The following ST8SIA6 variants were observed in gnomAD, a reference collection of about 807,000 sequenced individuals.
The protein encoded by ST8SIA6 is ST8 alpha-N-acetyl-neuraminide alpha-2,8-sialyltransferase 6.
ST8SIA6 carries 39 observed loss-of-function variants against 33.6 expected under a neutral mutation model. The ratio of observed to expected loss-of-function variants is 1.16; its 90% confidence interval spans 0.90 to 1.52. The LOEUF is 1.52. ST8SIA6 is among the 40% of genes most tolerant of loss of function. The pLI is 0.00. For synonymous variants in ST8SIA6, 172 were observed against 167.2 expected, an observed-to-expected ratio of 1.03 and a Z score of -0.22; for missense variants, 441 against 443.8, an observed-to-expected ratio of 0.99 and a Z score of 0.06.
At chr10:17,368,464 A>G (rs1849631776) in intron 3 of ST8SIA6, among the ~76,000 whole-genome samples, 1 of 150,766 alleles carries the variant, frequency 6.6e-6, no homozygotes, top group South Asian at 2.1e-4. Context: ...ATATTGTAGT[A>G]ACGGTTGATA....
intron 2 of ST8SIA6, among the ~76,000 whole-genome samples, chr10:17,444,970 A>T (rs1432950563): frequency 6.6e-6 from 1 of 152,250 alleles, no homozygotes; most frequent in African/African-American, 2.4e-5. Flanking sequence ...CAGAACACAT[A>T]TTCGTATCAT....
intron 2 of ST8SIA6, among the ~76,000 whole-genome samples, chr10:17,443,483 A>G (rs1340727806): frequency 6.6e-6 from 1 of 152,226 alleles, no homozygotes; most frequent in African/African-American, 2.4e-5. Context: ...TGTATTTTAC[A>G]ATAACAACAA....
intron 6 of ST8SIA6, among the ~76,000 whole-genome samples, chr10:17,325,672 T>G (rs1319691395): frequency 1.3e-5 from 2 of 152,072 alleles, no homozygotes; most frequent in Non-Finnish European, 2.9e-5. Flanking sequence ...AGTACAGGCT[T>G]AAAAAATTAA....
chr10:17,358,480 A>G (rs1849267501), intron 4 of ST8SIA6, among the ~76,000 whole-genome samples: 1 of 152,168 alleles, frequency 6.6e-6, no homozygotes, highest in African/African-American at 2.4e-5. Context: ...ATAATGAGTA[A>G]AGATAAAGAC....
chr10:17,383,847 CAG>C (rs939320670), intron 3 of ST8SIA6, among the ~76,000 whole-genome samples: 3 of 152,166 alleles, frequency 2.0e-5, no homozygotes, highest in African/African-American at 7.2e-5. Context: ...TTTTGTTTTT[CAG>C]ACTCTTAAAA....
At chr10:17,365,260 C>G (rs1849521587) in intron 3 of ST8SIA6, among the ~76,000 whole-genome samples, 1 of 152,180 alleles carries the variant, frequency 6.6e-6, no homozygotes, top group Non-Finnish European at 1.5e-5. Context: ...CTAGAAACGT[C>G]TCTTTGAAGA....
intron 2 of ST8SIA6, among the ~76,000 whole-genome samples, chr10:17,427,430 CGATGGAGACCT>C (rs1554801538): frequency 6.6e-6 from 1 of 152,142 alleles, no homozygotes; most frequent in Non-Finnish European, 1.5e-5. Context: ...AGATGTAGAG[CGATGGAGACCT>C]GATGGAGACC....
intron 2 of ST8SIA6, among the ~76,000 whole-genome samples, chr10:17,440,100 C>T (rs1852420103): frequency 6.6e-6 from 1 of 152,054 alleles, no homozygotes; most frequent in South Asian, 2.1e-4. Context: ...CTACGGCTTT[C>T]ATAATCATAA....
intron 2 of ST8SIA6, among the ~76,000 whole-genome samples, chr10:17,449,651 C>T (rs1324190814): frequency 6.6e-6 from 1 of 152,194 alleles, no homozygotes; most frequent in Non-Finnish European, 1.5e-5. Flanking sequence ...AGACACAGCT[C>T]CTTGAATTTC....
chr10:17,373,135 C>A (rs1849788531), intron 3 of ST8SIA6, among the ~76,000 whole-genome samples: 1 of 152,194 alleles, frequency 6.6e-6, no homozygotes, highest in Admixed American at 6.5e-5. Flanking sequence ...ATTTATAACC[C>A]AGATAACCTC....
intron 2 of ST8SIA6, among the ~76,000 whole-genome samples, chr10:17,420,638 A>G (rs1354788720): frequency 1.3e-5 from 2 of 152,088 alleles, no homozygotes; most frequent in Non-Finnish European, 2.9e-5. Flanking sequence ...CAGGCCCTCT[A>G]CTTTCATCCT....
intron 2 of ST8SIA6, among the ~76,000 whole-genome samples, chr10:17,392,692 T>G (rs2131665671): frequency 6.6e-6 from 1 of 152,298 alleles, no homozygotes; most frequent in East Asian, 1.9e-4. Flanking sequence ...TCTGCAGGAC[T>G]CTAGGAGAGA....
At chr10:17,336,709 T>C (rs538167423) in intron 4 of ST8SIA6, among the ~76,000 whole-genome samples, 21 of 151,100 alleles carry the variant, frequency 1.4e-4, no homozygotes, top group Non-Finnish European at 3.1e-4. Context: ...TTCTCCTGCC[T>C]CAGCCTCCCG....
intron 2 of ST8SIA6, among the ~76,000 whole-genome samples, chr10:17,446,628 G>T (rs1205113154): frequency 6.6e-6 from 1 of 152,138 alleles, no homozygotes; most frequent in African/African-American, 2.4e-5. Context: ...AAAAGACAAA[G>T]CCAAAATCTG....
chr10:17,337,626 G>A (rs931193233), intron 4 of ST8SIA6, among the ~76,000 whole-genome samples: 8 of 152,176 alleles, frequency 5.3e-5, no homozygotes, highest in African/African-American at 1.7e-4. Context: ...GAGAGTAAGA[G>A]CCAGTGTTGG....
intron 2 of ST8SIA6, among the ~76,000 whole-genome samples, chr10:17,424,838 A>G (rs1412781096): frequency 6.6e-6 from 1 of 151,548 alleles, no homozygotes; most frequent in Non-Finnish European, 1.5e-5. Context: ...GGTTCAAGCG[A>G]TTCTCATGCC....
intron 4 of ST8SIA6, among the ~76,000 whole-genome samples, chr10:17,333,825 A>G (rs191019607): frequency 2.6e-4 from 37 of 144,676 alleles, no homozygotes; most frequent in African/African-American, 9.3e-4. Flanking sequence ...GGGTTCAAGC[A>G]ATTCTCCTGC....
rs1847913871 is a variant in ST8SIA6, at chr10:17,320,703, G to T, written c.*175C>A. 2 of 617,138 alleles carry T rather than the reference G, an allele frequency of 3.2e-6. No homozygotes were observed. The highest frequency in any genetic ancestry group is 5.7e-6 in the Non-Finnish European group (2 of 351,856). 38.2% of individuals were successfully genotyped at this position (617,138 alleles called of 1,614,324 possible). The stretch of plus-strand genomic sequence containing the variant: ...CCATGTTATAAGGAGAAAAAATGAA[G>T]ATGAGAAGGATTGAATGACTTGCCA... On this transcript the variant is annotated 3_prime_UTR_variant, in exon 8 of 8. Coordinates refer to ENST00000377602, the MANE Select transcript of ST8SIA6 (RefSeq NM_001004470.3).
At chr10:17,442,862 G>A (rs964167793) in intron 2 of ST8SIA6, among the ~76,000 whole-genome samples, 1 of 152,086 alleles carries the variant, frequency 6.6e-6, no homozygotes, top group Admixed American at 6.6e-5. Flanking sequence ...TATCCATCCT[G>A]TAATACAACA....
Sources: allele counts gnomAD v4.1 joint callset (sites outside exome capture counted in the v4.1 genomes callset), GRCh38; gene constraint gnomAD v4.1.1; transcripts MANE v1.5; gene names NCBI Gene and HGNC (gene_info 2026-07-23, HGNC 2026-07-21).